STAU2: variants seen among roughly 807,000 people sequenced by gnomAD.
The protein encoded by STAU2 is staufen double-stranded RNA binding protein 2, also known as double-stranded RNA-binding protein Staufen homolog 2.
A neutral mutation model predicts 65.9 loss-of-function variants in STAU2; 20 were observed. The ratio of observed to expected loss-of-function variants is 0.30; its 90% CI spans 0.21 to 0.44. The LOEUF is 0.44. STAU2 is among the 20% of genes least tolerant of loss of function. The probability of loss-of-function intolerance (pLI) is 1.00; values close to 1 mark genes in which losing one functional copy is unlikely to be tolerated. For missense variants in STAU2, 558 were observed against 683.9 expected (o/e 0.82, Z 2.05); for synonymous variants, 232 against 233.9 (o/e 0.99, Z 0.07).
At chr8:73,688,391 A>G (rs1300223371) in intron 5 of STAU2, among the ~76,000 whole-genome samples, 1 of 149,968 alleles carries the variant, frequency 6.7e-6, no homozygotes, top group Admixed American at 6.7e-5. Flanking sequence ...GTCTCGAACT[A>G]ATTACCTAAC....
At chr8:73,636,700 T>C (rs989020748) in intron 6 of STAU2, among the ~76,000 whole-genome samples, 4 of 151,502 alleles carry the variant, frequency 2.6e-5, no homozygotes, top group South Asian at 2.1e-4. Context: ...CTGTCTCTAC[T>C]AAAAATATAA....
rs10096290 is a variant in STAU2, at chr8:73,651,778, C to T, written c.410+21329G>A. ...GGGGCCTGGTGTGCTCTGCCGGAGA[C>T]GGGATGCATTTTGAGGAAATGCCTC... is the stretch of plus-strand genomic sequence containing the variant. On this transcript the variant is annotated intron_variant, in intron 6 of 14. Transcript: ENST00000524300. 6.6e-5 allele frequency among the ~76,000 whole-genome samples: 10 copies of T among 152,058 alleles called. No individual in the cohort carries two copies. The South Asian group carries it at 1.2e-3, about 19-fold the overall frequency.
chr8:73,468,530 G>A (rs1288215794), intron 13 of STAU2, among the ~76,000 whole-genome samples: 2 of 152,098 alleles, frequency 1.3e-5, no homozygotes, highest in African/African-American at 4.8e-5. Flanking sequence ...CCTACAGAAT[G>A]GGAGAAAATT....
chr8:73,425,449 A>T (rs756659077), intron 13 of STAU2, among the ~76,000 whole-genome samples: 4 of 152,142 alleles, frequency 2.6e-5, no homozygotes, highest in Admixed American at 6.5e-5. Context: ...TCTCCCTCAC[A>T]GCCTTCAGAA....
intron 13 of STAU2, among the ~76,000 whole-genome samples, chr8:73,493,668 C>T (rs150769029): frequency 1.3e-5 from 2 of 151,772 alleles, no homozygotes; most frequent in East Asian, 1.9e-4. Context: ...TTTCATACGA[C>T]GTTGGTGGGA....
At chr8:73,526,539 G>A (rs981847409) in intron 13 of STAU2, among the ~76,000 whole-genome samples, 10 of 152,152 alleles carry the variant, frequency 6.6e-5, no homozygotes, top group African/African-American at 2.4e-4. Context: ...AAGAAAAGAA[G>A]ATTAGTTAGG....
At chr8:73,516,588 T>C (rs1015233132) in intron 13 of STAU2, among the ~76,000 whole-genome samples, 11 of 152,226 alleles carry the variant, frequency 7.2e-5, no homozygotes, top group African/African-American at 2.6e-4. Context: ...AAGAAAAATA[T>C]TGAAATTTTT....
intron 6 of STAU2, among the ~76,000 whole-genome samples, chr8:73,638,241 C>T (rs777698316): frequency 1.3e-5 from 2 of 151,490 alleles, no homozygotes; most frequent in Non-Finnish European, 3.0e-5. Context: ...TAAATACCCA[C>T]AAAAATAAAA....
intron 13 of STAU2, among the ~76,000 whole-genome samples, chr8:73,467,633 A>G (rs979695229): frequency 1.4e-4 from 21 of 152,200 alleles, no homozygotes; most frequent in Admixed American, 9.2e-4. Context: ...ACAGCTAGGA[A>G]AACAAAGGGG....
chr8:73,563,183 T>G (rs1460215473), intron 12 of STAU2, among the ~76,000 whole-genome samples: 3 of 152,066 alleles, frequency 2.0e-5, no homozygotes, highest in African/African-American at 7.2e-5. Context: ...CTGTAACAAC[T>G]CTCCCCAACT....
At position 73,622,557 on chromosome 8, in the gene STAU2, C is replaced by A. The variant is rs77771054; in HGVS notation, c.411-5106G>T. Among the ~76,000 whole-genome samples, 989 of 152,310 alleles carry A rather than the reference C, an allele frequency of 6.5e-3. 19 individuals carry two copies. The highest frequency in any genetic ancestry group is 0.023 in the African/African-American group (941 of 41,566). On this transcript the variant is annotated intron_variant, in intron 6 of 14. Transcript: ENST00000524300. Reference sequence around the variant, plus strand: ...GGGAACCAAATTTAAGTCTGCCTAACTGCAGAGTCCAGGAAATTCCGTATG... The same window carrying A: ...GGGAACCAAATTTAAGTCTGCCTAAATGCAGAGTCCAGGAAATTCCGTATG...
intron 4 of STAU2, among the ~76,000 whole-genome samples, chr8:73,706,240 C>T (rs1820494313): frequency 6.6e-6 from 1 of 152,056 alleles, no homozygotes; most frequent in Admixed American, 6.5e-5. Context: ...CCTCAGCCTC[C>T]CGAGTAGGTG....
chr8:73,613,822 C>G lies in STAU2; in HGVS notation c.813G>C (p.Glu271Asp). The change falls in exon 9 of 15, where the codon GAG becomes GAC. Residue 271 changes from glutamate (E) to aspartate (D), a missense_variant. Physicochemically the swap from Glu to Asp is conservative, Grantham distance 45. Around this residue, in one of 3 missense-constraint regions of STAU2, gnomAD observed 199 missense variants for 299.5 expected, o/e 0.66. Transcript: ENST00000524300. The stretch of plus-strand genomic sequence containing the variant: ...CAGGAAGAGGTGGAAGTTTTTTAAG[C>G]TCCTGTAAGACGGTGGTCGCAGCGC... Reference protein sequence around the residue: ...KKRAATTVLQELKKLPPLPVV... With the variant: ...KKRAATTVLQDLKKLPPLPVV... 1 of 1,613,612 alleles carries G rather than the reference C, an allele frequency of 6.2e-7. No homozygotes were observed. The highest frequency in any genetic ancestry group is 1.1e-5 in the South Asian group (1 of 91,000).
At chr8:73,630,616 T>G (rs1814019617) in intron 6 of STAU2, among the ~76,000 whole-genome samples, 1 of 152,222 alleles carries the variant, frequency 6.6e-6, no homozygotes, top group Non-Finnish European at 1.5e-5. Flanking sequence ...CATCATGACA[T>G]CCTACTATTC....
intron 13 of STAU2, among the ~76,000 whole-genome samples, chr8:73,430,086 T>G (rs1817149337): frequency 6.6e-6 from 1 of 152,252 alleles, no homozygotes; most frequent in Non-Finnish European, 1.5e-5. Context: ...GACTACTGGA[T>G]TCTCCATTTC....
At chr8:73,713,252 C>T (rs1017346734) in intron 3 of STAU2, among the ~76,000 whole-genome samples, 1 of 152,116 alleles carries the variant, frequency 6.6e-6, no homozygotes, top group South Asian at 2.1e-4. Flanking sequence ...TATGTCTTCA[C>T]AAAATGTCCT....
intron 12 of STAU2, among the ~76,000 whole-genome samples, chr8:73,579,329 G>T (rs138357280): frequency 6.6e-6 from 1 of 152,218 alleles, no homozygotes; most frequent in Non-Finnish European, 1.5e-5. Context: ...AAATGCCTCC[G>T]AATAATCTTT....
At chr8:73,709,478 T>C (rs1820739471) in intron 3 of STAU2, among the ~76,000 whole-genome samples, 1 of 152,086 alleles carries the variant, frequency 6.6e-6, no homozygotes, top group Non-Finnish European at 1.5e-5. Flanking sequence ...AAAAATTTAC[T>C]AGAAACACAT....
Position 73,709,155 on chromosome 8 carries a change from G to A in STAU2, c.-10C>T, listed in dbSNP as rs1324358286. On this transcript the variant is annotated 5_prime_UTR_variant, in exon 4 of 15. Coordinates refer to ENST00000524300, the MANE Select transcript of STAU2 (RefSeq NM_001164380.2). ...CTTTTGGGTTTGCCATTTTATCTTG[G>A]AGAGAAGCTGTAAATAAAAAGGCTA... The A allele has an allele frequency of 6.6e-7, 1 of 1,517,092 alleles. No homozygotes were observed. The highest frequency in any genetic ancestry group is 8.8e-7 in the Non-Finnish European group (1 of 1,137,334). 94.0% of individuals were successfully genotyped at this position (1,517,092 alleles called of 1,614,324 possible).
Sources: allele counts gnomAD v4.1 joint callset (sites outside exome capture counted in the v4.1 genomes callset), GRCh38; gene constraint gnomAD v4.1.1; regional missense constraint gnomAD v4.1.1; transcripts MANE v1.5; gene names NCBI Gene and HGNC (gene_info 2026-07-23, HGNC 2026-07-21).